GPR89A: variants seen among roughly 807,000 people sequenced by gnomAD.
The protein encoded by GPR89A is G protein-coupled receptor 89A.
In GPR89A, 16 loss-of-function variants were observed where a neutral mutation model predicts 52.0. The observed-to-expected ratio is 0.31, with a 90% CI of 0.21 to 0.47. GPR89A has a LOEUF of 0.47. Ranked by LOEUF, GPR89A falls within the 20% of genes least tolerant of loss-of-function variation. The probability of loss-of-function intolerance (pLI) is 1.00; values close to 1 mark genes in which losing one functional copy is unlikely to be tolerated. For missense variants in GPR89A, 135 were observed against 449.4 expected, an observed-to-expected ratio of 0.30 and a Z score of 6.33; for synonymous variants, 55 against 150.9, an observed-to-expected ratio of 0.36 and a Z score of 4.66.
chr1:145,645,872 A>G (rs1227351002), intron 8 of GPR89A: 61 of 462,372 alleles, frequency 1.3e-4, no homozygotes, highest in African/African-American at 9.2e-4. Context: ...ACTATTTACA[A>G]TCTTGAACAT....
intron 3 of GPR89A, among the ~76,000 whole-genome samples, chr1:145,619,787 A>G (rs1415349643): frequency 7.5e-3 from 1,110 of 148,758 alleles, no homozygotes; most frequent in Non-Finnish European, 0.012. Flanking sequence ...AGGCCAAGGC[A>G]GGCGGATCAC....
At chr1:145,664,139 G>T (rs1255937782) in intron 11 of GPR89A, among the ~76,000 whole-genome samples, 1 of 150,866 alleles carries the variant, frequency 6.6e-6, no homozygotes, top group Non-Finnish European at 1.5e-5. Context: ...CAACCTAGAC[G>T]CAGACTGCGT....
At chr1:145,661,207 C>CA (rs1269732147) in intron 10 of GPR89A, among the ~76,000 whole-genome samples, 1 of 128,710 alleles carries the variant, frequency 7.8e-6, no homozygotes, top group African/African-American at 2.9e-5. Flanking sequence ...ATCGCAAGGA[C>CA]AAAAAACCAA....
intron 10 of GPR89A, among the ~76,000 whole-genome samples, chr1:145,658,952 AT>A (rs1198251583): frequency 2.0e-5 from 3 of 151,216 alleles, no homozygotes; most frequent in Non-Finnish European, 4.4e-5. Context: ...TGATTTTTCT[AT>A]TTTTAGTAGA....
intron 3 of GPR89A, among the ~76,000 whole-genome samples, chr1:145,622,180 TAATG>T (rs1649188604): frequency 6.6e-6 from 1 of 151,930 alleles, no homozygotes; most frequent in Non-Finnish European, 1.5e-5. Context: ...TGTCCTCAAT[TAATG>T]AATGCAGAAA....
At chr1:145,645,669 A>G (rs587751555) in intron 8 of GPR89A, 18 of 454,000 alleles carry the variant, frequency 4.0e-5, no homozygotes, top group African/African-American at 3.6e-4. Context: ...TATGTGCAAA[A>G]TGGATAACAC....
At chr1:145,660,038 G>C (rs1652089413) in intron 10 of GPR89A, among the ~76,000 whole-genome samples, 1 of 151,914 alleles carries the variant, frequency 6.6e-6, no homozygotes. Flanking sequence ...AAGCAATTGT[G>C]AATGGGAGTT....
At chr1:145,660,929 C>T (rs2101835783) in intron 10 of GPR89A, among the ~76,000 whole-genome samples, 1 of 151,784 alleles carries the variant, frequency 6.6e-6, no homozygotes, top group East Asian at 1.9e-4. Flanking sequence ...CTAGAAATAC[C>T]ATTTGACCCA....
chr1:145,664,420 G>A (rs1553696115), intron 11 of GPR89A, among the ~76,000 whole-genome samples: 4 of 152,128 alleles, frequency 2.6e-5, no homozygotes, highest in Non-Finnish European at 4.4e-5. Context: ...TTGAGAGGTC[G>A]AGACAGATCA....
chr1:145,668,774 C>G (rs1450696167), intron 12 of GPR89A, among the ~76,000 whole-genome samples: 4 of 152,108 alleles, frequency 2.6e-5, no homozygotes, highest in Non-Finnish European at 5.9e-5. Flanking sequence ...GAGTTTTTAG[C>G]ATGGAGGGCT....
At chr1:145,612,231 A>G (rs1648338894) in intron 1 of GPR89A, 1 of 152,180 alleles carries the variant, frequency 6.6e-6, no homozygotes, top group Admixed American at 6.5e-5. Flanking sequence ...CTTACTCAAC[A>G]AAAGTGAAGC....
intron 10 of GPR89A, among the ~76,000 whole-genome samples, chr1:145,661,092 G>A (rs2101836103): frequency 6.6e-6 from 1 of 150,696 alleles, no homozygotes; most frequent in Non-Finnish European, 1.5e-5. Context: ...TTAAGAAAAT[G>A]TGGCACATAT....
chr1:145,649,886 T>C (rs1444277381), intron 10 of GPR89A, among the ~76,000 whole-genome samples: 3 of 152,162 alleles, frequency 2.0e-5, no homozygotes, highest in Non-Finnish European at 2.9e-5. Flanking sequence ...AATTTATATT[T>C]TCTTAATGTC....
At chr1:145,648,389 G>T (rs190291783) in intron 10 of GPR89A, among the ~76,000 whole-genome samples, 2,801 of 151,446 alleles carry the variant, frequency 0.018, 70 homozygotes, top group African/African-American at 0.064. Flanking sequence ...TTAAAATCTG[G>T]ATTCATTCAG....
At chr1:145,610,204 C>T (rs1450429794) in intron 1 of GPR89A, among the ~76,000 whole-genome samples, 1 of 151,818 alleles carries the variant, frequency 6.6e-6, no homozygotes, top group Non-Finnish European at 1.5e-5. Flanking sequence ...CACCATTGCC[C>T]CCTGCGCCCC....
chr1:145,665,263 G>C (rs1167879038), intron 11 of GPR89A, among the ~76,000 whole-genome samples: 1 of 151,680 alleles, frequency 6.6e-6, no homozygotes, highest in Non-Finnish European at 1.5e-5. Flanking sequence ...TGGGAGTATT[G>C]CTTGAGCCCA....
chr1:145,626,908 G>A (rs1427392654), intron 5 of GPR89A, among the ~76,000 whole-genome samples: 21 of 131,080 alleles, frequency 1.6e-4, no homozygotes, highest in Non-Finnish European at 2.9e-4. Flanking sequence ...AGCCGAGATC[G>A]TGCCACTCCC....
chr1:145,608,036 C>T lies in GPR89A; in HGVS notation c.-98C>T. 1 of 1,463,354 alleles carries T rather than the reference C, an allele frequency of 6.8e-7. No homozygotes were observed. 90.6% of individuals were successfully genotyped at this position (1,463,354 alleles called of 1,614,324 possible). A position where few individuals can be genotyped will look rare whatever the true frequency, so the allele number is the denominator to read the frequency against. ...AGAGCCGCAGTCCCGGCTGCAGCACCTGGGAGAAGGCAGACCGTGTGAGGG... is the reference window on the plus strand; with the variant it reads ...AGAGCCGCAGTCCCGGCTGCAGCACTTGGGAGAAGGCAGACCGTGTGAGGG... On this transcript the variant is annotated 5_prime_UTR_variant, in exon 1 of 14. Transcript: ENST00000313835.
intron 1 of GPR89A, chr1:145,608,534 G>A: frequency 5.9e-6 from 4 of 683,276 alleles, no homozygotes; most frequent in Admixed American, 3.4e-5. Context: ...CTGGACTGGG[G>A]AAGCCTGTGT....
Sources: allele counts gnomAD v4.1 joint callset (sites outside exome capture counted in the v4.1 genomes callset), GRCh38; gene constraint gnomAD v4.1.1; transcripts MANE v1.5; gene names NCBI Gene and HGNC (gene_info 2026-07-23, HGNC 2026-07-21).